Variants in RGPD2 observed in about 807,000 individuals in gnomAD.
RGPD2 encodes RANBP2-like and GRIP domain-containing protein 2.
A neutral mutation model predicts 36.0 loss-of-function variants in RGPD2; 2 were observed. That is an observed-to-expected ratio of 0.06 (90% CI 0.02 to 0.17). The LOEUF is 0.17. Among genes scored for constraint, RGPD2 ranks in the 10% least tolerant of loss-of-function variants. The pLI, the probability that RGPD2 is intolerant of heterozygous loss-of-function variation, is 1.00. For synonymous variants in RGPD2, 19 were observed against 163.8 expected, an observed-to-expected ratio of 0.12 and a Z score of 6.75; for missense variants, 40 against 464.3, an observed-to-expected ratio of 0.09 and a Z score of 8.40.
the RGPD2 span, among the ~76,000 whole-genome samples, chr2:87,972,127 T>C: frequency 6.6e-6 from 1 of 152,162 alleles, no homozygotes; most frequent in Non-Finnish European, 1.5e-5. Context: ...ACCAGAAATA[T>C]GGAGGTGAGT....
the RGPD2 span, among the ~76,000 whole-genome samples, chr2:87,964,504 A>G: frequency 6.6e-6 from 1 of 152,178 alleles, no homozygotes; most frequent in Non-Finnish European, 1.5e-5. Flanking sequence ...TTGAAAGTTT[A>G]TGCCCACTCT....
At chr2:87,853,396 T>A in the RGPD2 span, among the ~76,000 whole-genome samples, 81 of 152,234 alleles carry the variant, frequency 5.3e-4, no homozygotes, top group Admixed American at 2.3e-3. Context: ...CAATTTTTTT[T>A]AAATTTTTGT....
chr2:87,922,375 A>G, the RGPD2 span, among the ~76,000 whole-genome samples: 2 of 151,528 alleles, frequency 1.3e-5, no homozygotes, highest in African/African-American at 2.4e-5. Flanking sequence ...TCATTACCAG[A>G]AAGTTTATAT....
At chr2:87,834,522 T>C in the RGPD2 span, among the ~76,000 whole-genome samples, 1 of 152,100 alleles carries the variant, frequency 6.6e-6, no homozygotes, top group Non-Finnish European at 1.5e-5. Context: ...ACAGTGTGAA[T>C]ATATAGAAAA....
the RGPD2 span, among the ~76,000 whole-genome samples, chr2:87,932,778 C>T: frequency 2.5e-4 from 38 of 151,934 alleles, no homozygotes; most frequent in Non-Finnish European, 4.9e-4. Context: ...AATTTTAGCG[C>T]CCGATTCCTT....
chr2:87,876,266 TG>T, the RGPD2 span, among the ~76,000 whole-genome samples: 1 of 150,280 alleles, frequency 6.7e-6, no homozygotes, highest in Non-Finnish European at 1.5e-5. Context: ...CTGCTAGTTT[TG>T]GGGTTTGTTT....
chr2:87,825,766 A>T lies in RGPD2; in HGVS notation c.-37T>A. Reference sequence around the variant, plus strand: ...CCTGGCTCCCGAGACGCGTGAAACCAGCGCTCAGCCCCGCAGCAGTCGCCA... The same window carrying T: ...CCTGGCTCCCGAGACGCGTGAAACCTGCGCTCAGCCCCGCAGCAGTCGCCA... On this transcript the variant is annotated 5_prime_UTR_variant, in exon 1 of 23. Coordinates refer to ENST00000398146, the MANE Select transcript of RGPD2 (RefSeq NM_001078170.3). 1 of 1,565,516 alleles carries T rather than the reference A, an allele frequency of 6.4e-7. No homozygotes were observed. The highest frequency in any genetic ancestry group is 8.7e-7 in the Non-Finnish European group (1 of 1,155,078).
chr2:87,916,867 A>C, the RGPD2 span, among the ~76,000 whole-genome samples: 1 of 151,794 alleles, frequency 6.6e-6, no homozygotes, highest in Non-Finnish European at 1.5e-5. Flanking sequence ...AGGGAGATGT[A>C]CCCAACGGAT....
At chr2:87,959,210 C>G in the RGPD2 span, among the ~76,000 whole-genome samples, 1 of 84,666 alleles carries the variant, frequency 1.2e-5, no homozygotes, top group African/African-American at 3.9e-5. Flanking sequence ...ACTGAATTCC[C>G]AGTATAAAAC....
chr2:87,973,063 CA>C, the RGPD2 span: 1 of 1,554,916 alleles, frequency 6.4e-7, no homozygotes, highest in South Asian at 1.1e-5. Flanking sequence ...GCCCAGGCAC[CA>C]CCCCCCGCCC....
At chr2:87,809,609 G>T (rs1486530572) in intron 6 of RGPD2, among the ~76,000 whole-genome samples, 27 of 136,416 alleles carry the variant, frequency 2.0e-4, no homozygotes, top group African/African-American at 5.8e-4. Flanking sequence ...GTTCACAAGG[G>T]GGGGTAACAA....
At chr2:87,878,709 C>T in the RGPD2 span, among the ~76,000 whole-genome samples, 8 of 152,124 alleles carry the variant, frequency 5.3e-5, no homozygotes, top group Non-Finnish European at 7.4e-5. Flanking sequence ...CTATACCCAT[C>T]GACCAGCATC....
At chr2:87,916,160 G>A in the RGPD2 span, among the ~76,000 whole-genome samples, 9 of 151,594 alleles carry the variant, frequency 5.9e-5, no homozygotes, top group African/African-American at 9.7e-5. Flanking sequence ...ATCTATCATC[G>A]AGACAAGCTT....
chr2:87,809,416 C>T (rs1574019812), intron 6 of RGPD2, among the ~76,000 whole-genome samples: 1 of 146,090 alleles, frequency 6.8e-6, no homozygotes, highest in African/African-American at 2.5e-5. Flanking sequence ...CGCCTGTAAT[C>T]CCAACACTTT....
At chr2:87,815,095 A>T (rs1173149695) in intron 4 of RGPD2, among the ~76,000 whole-genome samples, 1 of 142,394 alleles carries the variant, frequency 7.0e-6, no homozygotes, top group Non-Finnish European at 1.5e-5. Flanking sequence ...GTAGCTCTGT[A>T]TCTTGACAGT....
intron 22 of RGPD2, among the ~76,000 whole-genome samples, chr2:87,771,888 C>T (rs201444341): frequency 0.1 from 13,886 of 134,538 alleles, 8 homozygotes; most frequent in African/African-American, 0.29. Context: ...CAGCTGAACA[C>T]CAGAACTCAA....
the RGPD2 span, among the ~76,000 whole-genome samples, chr2:87,930,834 T>G: frequency 2.2e-5 from 1 of 44,822 alleles, no homozygotes; most frequent in Non-Finnish European, 5.1e-5. Flanking sequence ...TTCTTCCAGT[T>G]TTTTTTTTTT....
At chr2:87,880,206 A>G in the RGPD2 span, among the ~76,000 whole-genome samples, 1 of 151,902 alleles carries the variant, frequency 6.6e-6, no homozygotes, top group Admixed American at 6.6e-5. Context: ...TACATTTTGG[A>G]TATTAGCCAC....
the RGPD2 span, among the ~76,000 whole-genome samples, chr2:87,918,289 C>T: frequency 1.4e-5 from 2 of 138,236 alleles, no homozygotes; most frequent in Admixed American, 1.4e-4. Flanking sequence ...ATGTTATATA[C>T]CAGGAACTGT....
Sources: allele counts gnomAD v4.1 joint callset (sites outside exome capture counted in the v4.1 genomes callset), GRCh38; gene constraint gnomAD v4.1.1; transcripts MANE v1.5; gene names NCBI Gene and HGNC (gene_info 2026-07-23, HGNC 2026-07-21).